Variants in KCNIP4 observed in about 807,000 individuals in gnomAD.
The protein encoded by KCNIP4 is Kv channel-interacting protein 4.
KCNIP4 carries 12 observed loss-of-function variants against 34.0 expected under a neutral mutation model. The observed-to-expected ratio is 0.35, with a 90% CI of 0.23 to 0.57. KCNIP4 has a LOEUF of 0.57. Among genes scored for constraint, KCNIP4 ranks in the 20% least tolerant of loss-of-function variants. The probability of loss-of-function intolerance (pLI) is 0.83; values close to 1 mark genes in which losing one functional copy is unlikely to be tolerated. For missense variants in KCNIP4, 238 were observed against 311.7 expected (o/e 0.76, Z 1.78); for synonymous variants, 124 against 102.2 (o/e 1.21, Z -1.29).
chr4:21,344,373 G>A (rs1717078024), intron 1 of KCNIP4, among the ~76,000 whole-genome samples: 1 of 152,118 alleles, frequency 6.6e-6, no homozygotes, highest in South Asian at 2.1e-4. Context: ...AATAAGCCCT[G>A]GAGCCATCTG....
chr4:21,913,652 C>T (rs563221128), intron 1 of KCNIP4, among the ~76,000 whole-genome samples: 1 of 152,220 alleles, frequency 6.6e-6, no homozygotes, highest in South Asian at 2.1e-4. Context: ...TAAGCAAAAT[C>T]CTTGCTATGA....
chr4:21,666,332 GCCTA>G (rs1489332140), intron 1 of KCNIP4, among the ~76,000 whole-genome samples: 1 of 152,134 alleles, frequency 6.6e-6, no homozygotes, highest in Non-Finnish European at 1.5e-5. Context: ...CTTCATTAGA[GCCTA>G]TCCAAATGCA....
chr4:21,453,487 T>C (rs1006039866), intron 1 of KCNIP4, among the ~76,000 whole-genome samples: 2 of 151,982 alleles, frequency 1.3e-5, no homozygotes, highest in African/African-American at 4.8e-5. Flanking sequence ...GAAAGCCCCA[T>C]CTAGGCTTAT....
chr4:21,545,652 G>A (rs568305239), intron 1 of KCNIP4, among the ~76,000 whole-genome samples: 63 of 152,240 alleles, frequency 4.1e-4, no homozygotes, highest in African/African-American at 1.4e-3. Context: ...TTCTGTTCCT[G>A]TGTTAGTTTG....
chr4:21,942,438 A>G (rs1202542305), intron 1 of KCNIP4, among the ~76,000 whole-genome samples: 1 of 152,216 alleles, frequency 6.6e-6, no homozygotes, highest in Non-Finnish European at 1.5e-5. Flanking sequence ...CAAAGATGAC[A>G]TTGATGACTG....
chr4:21,605,162 C>T (rs73800247), intron 1 of KCNIP4, among the ~76,000 whole-genome samples: 1,586 of 152,272 alleles, frequency 0.01, 27 homozygotes, highest in African/African-American at 0.037. Flanking sequence ...ATGACATAAA[C>T]ATGAACACTA....
At chr4:21,530,323 G>C (rs959844942) in intron 1 of KCNIP4, among the ~76,000 whole-genome samples, 1 of 152,144 alleles carries the variant, frequency 6.6e-6, no homozygotes, top group Non-Finnish European at 1.5e-5. Flanking sequence ...CCCTGAAACT[G>C]GGAGTAAACA....
chr4:21,323,454 T>A (rs1714709613), intron 1 of KCNIP4, among the ~76,000 whole-genome samples: 1 of 152,066 alleles, frequency 6.6e-6, no homozygotes, highest in African/African-American at 2.4e-5. Context: ...TTCTACTCTG[T>A]ATCTTCATGA....
At chr4:21,287,834 T>C (rs1413836914) in intron 1 of KCNIP4, among the ~76,000 whole-genome samples, 1 of 152,078 alleles carries the variant, frequency 6.6e-6, no homozygotes, top group Non-Finnish European at 1.5e-5. Context: ...CTTTGGTTAT[T>C]GAGAAATCAA....
intron 1 of KCNIP4, among the ~76,000 whole-genome samples, chr4:21,615,180 T>A (rs941723358): frequency 2.6e-5 from 4 of 151,426 alleles, no homozygotes; most frequent in African/African-American, 9.7e-5. Flanking sequence ...AGAATAAAAA[T>A]AAATCAAAGG....
At chr4:21,569,262 A>AAAAAAAAAAAAAAC (rs1740168813) in intron 1 of KCNIP4, among the ~76,000 whole-genome samples, 1 of 134,778 alleles carries the variant, frequency 7.4e-6, no homozygotes, top group Non-Finnish European at 1.6e-5. Context: ...AAAAAAAAAA[A>AAAAAAAAAAAAAAC]AAAGCTTGAT....
intron 3 of KCNIP4, among the ~76,000 whole-genome samples, chr4:20,838,040 A>G (rs1041590724): frequency 1.3e-4 from 20 of 152,052 alleles, no homozygotes; most frequent in Non-Finnish European, 2.4e-4. Context: ...AATAAAGAAG[A>G]GTAATGCTGT....
chr4:20,976,141 T>G (rs184533278), intron 1 of KCNIP4, among the ~76,000 whole-genome samples: 1 of 152,296 alleles, frequency 6.6e-6, no homozygotes, highest in East Asian at 1.9e-4. Flanking sequence ...CCTTTCCAAC[T>G]TATTACCTAA....
chr4:21,536,187 C>T (rs1737150682), intron 1 of KCNIP4, among the ~76,000 whole-genome samples: 1 of 152,114 alleles, frequency 6.6e-6, no homozygotes, highest in Admixed American at 6.6e-5. Context: ...ACCAGGCCAA[C>T]AGAGCATAAA....
At chr4:21,417,397 T>C (rs1725049446) in intron 1 of KCNIP4, among the ~76,000 whole-genome samples, 1 of 151,326 alleles carries the variant, frequency 6.6e-6, no homozygotes, top group African/African-American at 2.4e-5. Flanking sequence ...AAAAATAAAA[T>C]AAAAAATAAA....
At chr4:21,580,890 T>A (rs1365789675) in intron 1 of KCNIP4, among the ~76,000 whole-genome samples, 1 of 152,068 alleles carries the variant, frequency 6.6e-6, no homozygotes, top group South Asian at 2.1e-4. Context: ...GCTGCTAGCA[T>A]TTCTCCTTTT....
At chr4:21,660,015 A>G (rs1035784647) in intron 1 of KCNIP4, among the ~76,000 whole-genome samples, 2 of 152,088 alleles carry the variant, frequency 1.3e-5, no homozygotes, top group African/African-American at 4.8e-5. Flanking sequence ...TCCTAACACT[A>G]AAAGTTTTCT....
chr4:20,975,552 T>G (rs1735399907), intron 1 of KCNIP4, among the ~76,000 whole-genome samples: 1 of 152,136 alleles, frequency 6.6e-6, no homozygotes, highest in South Asian at 2.1e-4. Flanking sequence ...GTCATTTTAT[T>G]GAAAAAACGC....
In KCNIP4 at chr4:21,809,834, C is replaced by G. The variant is rs187221403; in HGVS notation, c.61+138737G>C. Among the ~76,000 whole-genome samples the G allele has an allele frequency of 3.3e-5, 5 of 152,296 alleles. No homozygotes were observed. In the East Asian group the frequency reaches 9.6e-4, roughly 29 times the overall value. On this transcript the variant is annotated intron_variant, in intron 1 of 8. Transcript: ENST00000382152. Reference sequence around the variant, plus strand: ...AATTTGTAGAGCATCTCTGACAGGTCAGACTTATATTAGCCTTTTACGATT... The same window carrying G: ...AATTTGTAGAGCATCTCTGACAGGTGAGACTTATATTAGCCTTTTACGATT...
Sources: gnomAD v4.1 joint callset for allele counts (sites outside exome capture counted in the v4.1 genomes callset) on GRCh38, gnomAD v4.1.1 for gene constraint, MANE v1.5 for transcripts, NCBI Gene and HGNC (gene_info 2026-07-23, HGNC 2026-07-21) for gene names.